R3HDM4: variants seen among roughly 807,000 people sequenced by gnomAD.
The protein encoded by R3HDM4 is R3H domain-containing protein 4.
In R3HDM4, 30 loss-of-function variants were observed where a neutral mutation model predicts 31.3. The ratio of observed to expected loss-of-function variants is 0.96; its 90% CI spans 0.72 to 1.30. The LOEUF (loss-of-function observed/expected upper bound fraction) is 1.30, where lower values mean the gene tolerates loss of function less well. Among genes scored for constraint, R3HDM4 ranks in the 50% most tolerant of loss-of-function variants. The pLI is 0.00. For synonymous variants in R3HDM4, 196 were observed against 156.6 expected, an observed-to-expected ratio of 1.25 and a Z score of -1.88; for missense variants, 444 against 366.1, an observed-to-expected ratio of 1.21 and a Z score of -1.74.
At chr19:901,768 G>GGGCCCCC in intron 2 of R3HDM4, 1 of 727,286 alleles carries the variant, frequency 1.4e-6, no homozygotes, top group Non-Finnish European at 2.2e-6. Context: ...TGCCCGGGGC[G>GGGCCCCC]CCCTCCCACC....
Position 901,941 on chromosome 19 carries a change from G to A in R3HDM4, c.226+35C>T, listed in dbSNP as rs772925642. The A allele has an allele frequency of 2.5e-6, 4 of 1,610,880 alleles. No homozygotes were observed. In the Admixed American group the frequency reaches 6.7e-5, roughly 27 times the overall value. ...ATGCATGCCATTCTACAAGGCCCAG[G>A]AGCCCCCAGGAGGCGCCTCCCGACC... On this transcript the variant is annotated intron_variant, in intron 2 of 7. Coordinates refer to ENST00000361574, the MANE Select transcript of R3HDM4 (RefSeq NM_138774.4).
rs111226169 is a variant in R3HDM4, at chr19:906,540, G to A, written c.72-4410C>T. ...GCTCACCCTGCAACCTTTAACCTCA[G>A]CCCCCTCTCAAAAAGTGGGAACAAG... On this transcript the variant is annotated intron_variant, in intron 1 of 7. Coordinates refer to ENST00000361574, the MANE Select transcript of R3HDM4 (RefSeq NM_138774.4). 2.5e-3 allele frequency among the ~76,000 whole-genome samples: 382 copies of A among 151,948 alleles called. 1 individual carries two copies. Among genetic ancestry groups the A allele is most frequent in the Non-Finnish European group, 4.2e-3 (282 of 67,934 alleles).
chr19:909,457 A>T (rs1449499185), intron 1 of R3HDM4, among the ~76,000 whole-genome samples: 1 of 152,080 alleles, frequency 6.6e-6, no homozygotes, highest in Non-Finnish European at 1.5e-5. Flanking sequence ...GAGCGGAAAC[A>T]TGAGTGTATT....
chr19:897,463 A>C lies in R3HDM4; in HGVS notation c.781T>G (p.Ser261Ala). 1 of 1,611,536 alleles carries C rather than the reference A, an allele frequency of 6.2e-7. No individual in the cohort carries two copies. The highest frequency in any genetic ancestry group is 8.5e-7 in the Non-Finnish European group (1 of 1,179,330). ...LDFLPPGLLL[S>A]AYLEQHS ...CAGCTGTGCTGCTCCAGGTAGGCGG[A>C]CAGGAGCAGCCCCGGCGGCAGGAAA... Residue 261 changes from serine to alanine, a missense_variant, in exon 8 of 8, where the codon TCC becomes GCC. Ser to Ala is a moderately conservative substitution (Grantham distance 99, BLOSUM62 1). Coordinates refer to ENST00000361574, the MANE Select transcript of R3HDM4 (RefSeq NM_138774.4).
intron 3 of R3HDM4, 140 bp downstream of exon 3, chr19:901,282 G>A: frequency 2.0e-6 from 2 of 980,708 alleles, no homozygotes; most frequent in Non-Finnish European, 3.0e-6. Context: ...TGGGGACCCC[G>A]AAGGAGACTG....
chr19:897,341 G>A lies in R3HDM4; in HGVS notation c.*96C>T, dbSNP rs2036751931. 1.0e-6 allele frequency: 1 copy of A among 976,830 alleles called. No individual in the cohort carries two copies. The highest frequency in any genetic ancestry group is 1.5e-6 in the Non-Finnish European group (1 of 668,996). The allele number at this position is 976,830 out of a possible 1,614,324, so 60.5% of individuals were successfully genotyped here. On this transcript the variant is annotated 3_prime_UTR_variant, in exon 8 of 8. Transcript: ENST00000361574. The stretch of plus-strand genomic sequence containing the variant: ...CACCCCAAGCGAAAAAGGTTTCCGA[G>A]GACAAATTCTAAAAATATGAAAGAT...
At chr19:904,755 G>A (rs1203198613) in intron 1 of R3HDM4, among the ~76,000 whole-genome samples, 1 of 150,190 alleles carries the variant, frequency 6.7e-6, no homozygotes, top group Non-Finnish European at 1.5e-5. Context: ...CAGCCTGGGT[G>A]ACAGACCAAG....
At position 899,541 on chromosome 19, in the gene R3HDM4, G is replaced by A. The variant is rs762994631; in HGVS notation, c.648-46C>T. The A allele has an allele frequency of 1.9e-6, 3 of 1,612,446 alleles. No homozygotes were observed. Among genetic ancestry groups the A allele is most frequent in the South Asian group, 1.1e-5 (1 of 91,042 alleles). On this transcript the variant is annotated intron_variant, in intron 6 of 7. Coordinates refer to ENST00000361574, the MANE Select transcript of R3HDM4 (RefSeq NM_138774.4). This position sits in a 1 kb window ranked among gnomAD's most constrained non-coding sequence, Gnocchi z 6.8. ...GCGCCGTGCAGGGGCTGCAGCGTGG[G>A]GTGTCCGCCCACCTGGCCGCAGCCT...
intron 1 of R3HDM4, among the ~76,000 whole-genome samples, chr19:906,634 G>A (rs2036909025): frequency 6.6e-6 from 1 of 152,094 alleles, no homozygotes; most frequent in South Asian, 2.1e-4. Context: ...GCTGCCACTT[G>A]CTTGTTTTCC....
chr19:909,062 C>T (rs1440093466), intron 1 of R3HDM4, among the ~76,000 whole-genome samples: 1 of 152,156 alleles, frequency 6.6e-6, no homozygotes, highest in Non-Finnish European at 1.5e-5. Context: ...AACTGAGGAC[C>T]CAGCGGGGGT....
rs1308696595 is a variant in R3HDM4, at chr19:897,297, G to A, written c.*140C>T. 3.2e-6 allele frequency: 2 copies of A among 620,108 alleles called. No individual in the cohort carries two copies. The highest frequency in any genetic ancestry group is 2.1e-5 in the South Asian group (1 of 47,978). 38.4% of individuals were successfully genotyped at this position (620,108 alleles called of 1,614,324 possible). ...TGACTGCCAAGAGCTGCGTGAGGAG[G>A]GGGCAGAGTGAGAGAGACCACCCCA... On this transcript the variant is annotated 3_prime_UTR_variant, in exon 8 of 8. Coordinates refer to ENST00000361574, the MANE Select transcript of R3HDM4 (RefSeq NM_138774.4).
rs1468113169 is a variant in R3HDM4 at position 907,933 on chromosome 19, GC to G, written c.71+5153del. 6.6e-6 allele frequency among the ~76,000 whole-genome samples: 1 copy of G among 152,190 alleles called. No homozygotes were observed. The highest frequency in any genetic ancestry group is 2.4e-5 in the African/African-American group (1 of 41,436). On this transcript the variant is annotated intron_variant, in intron 1 of 7. Transcript: ENST00000361574. The surrounding 1 kb of genome is among the most constrained non-coding windows in gnomAD (Gnocchi z 4.1). ...GCAGGAAATTAAGAAACATCTTCAAGCTTGTCATCCCAGCACTTTGGGAGGC... is the reference window on the plus strand; with the variant it reads ...GCAGGAAATTAAGAAACATCTTCAAGTTGTCATCCCAGCACTTTGGGAGGC...
In R3HDM4 at chr19:899,439, C is replaced by G; in HGVS notation, c.703+1G>C. ...GGGTCTTGGGGGCCACCGGCACTTA[C>G]TGGCCGAGATGAGGTCCATGTACTG... is the stretch of plus-strand genomic sequence containing the variant. On this transcript the variant is annotated splice_donor_variant, in intron 7 of 7. Coordinates refer to ENST00000361574, the MANE Select transcript of R3HDM4 (RefSeq NM_138774.4). LOFTEE classifies it high-confidence loss of function. This position sits in a 1 kb window ranked among gnomAD's most constrained non-coding sequence, Gnocchi z 6.8. 1 of 1,613,622 alleles carries G rather than the reference C, an allele frequency of 6.2e-7. No homozygotes were observed. The highest frequency in any genetic ancestry group is 8.5e-7 in the Non-Finnish European group (1 of 1,179,928).
At chr19:901,124 G>A (rs1031929110) in intron 3 of R3HDM4, 172 bp from the exon 4 acceptor site, 34 of 870,304 alleles carry the variant, frequency 3.9e-5, no homozygotes, top group South Asian at 1.7e-4. Context: ...GCAGGGAAGC[G>A]GGGAACCGGG....
At chr19:901,012 C>G (rs1286387108) in intron 3 of R3HDM4, 60 bp from the exon 4 acceptor site, 1 of 1,501,184 alleles carries the variant, frequency 6.7e-7, no homozygotes, top group Non-Finnish European at 8.9e-7. Context: ...CTGACATCCC[C>G]GGGCAAATGG....
intron 1 of R3HDM4, 141 bp from the exon 2 acceptor site, chr19:902,271 A>C (rs2036847981): frequency 1.2e-6 from 1 of 844,932 alleles, no homozygotes; most frequent in African/African-American, 1.7e-5. Context: ...CTGGGCCCTT[A>C]AAATCCTATT....
intron 7 of R3HDM4, among the ~76,000 whole-genome samples, chr19:898,169 G>A (rs892680168): frequency 2.6e-5 from 4 of 151,214 alleles, no homozygotes; most frequent in Admixed American, 1.3e-4. Flanking sequence ...AGCGGATCAC[G>A]AGGTCAGGTT....
Position 897,087 on chromosome 19 carries a change from A to C in R3HDM4, c.*350T>G, listed in dbSNP as rs573242756. Reference sequence around the variant, plus strand: ...TAAAAATCTACAACAAATCACACCAAATTCATTAAAAGTGATAAAAACCCA... The same window carrying C: ...TAAAAATCTACAACAAATCACACCACATTCATTAAAAGTGATAAAAACCCA... On this transcript the variant is annotated 3_prime_UTR_variant, in exon 8 of 8. Transcript: ENST00000361574. 3.0e-4 allele frequency: 69 copies of C among 227,134 alleles called. No individual in the cohort carries two copies. The highest frequency in any genetic ancestry group is 1.4e-3 in the African/African-American group (64 of 44,206). The allele number at this position is 227,134 out of a possible 1,614,324, so 14.1% of individuals were successfully genotyped here.
intron 7 of R3HDM4, 38 bp from the exon 8 acceptor site, chr19:897,578 T>G: frequency 6.5e-7 from 1 of 1,533,404 alleles, no homozygotes; most frequent in Admixed American, 1.9e-5. Context: ...CGGGAGGAAT[T>G]TGGGAGCCGC....
Sources: gnomAD v4.1 joint callset for allele counts (sites outside exome capture counted in the v4.1 genomes callset) on GRCh38, gnomAD v4.1.1 for gene constraint, Gnocchi (gnomAD v3.1) non-coding constraint, MANE v1.5 for transcripts, NCBI Gene and HGNC (gene_info 2026-07-23, HGNC 2026-07-21) for gene names.